Variants in RHBDD1 observed in about 807,000 individuals in gnomAD.
The protein encoded by RHBDD1 is rhomboid-related protein 4.
RHBDD1 carries 38 observed loss-of-function variants against 36.3 expected under a neutral mutation model. The observed-to-expected ratio is 1.05, with a 90% CI of 0.81 to 1.37. The LOEUF is 1.37. Ranked by LOEUF, RHBDD1 falls within the 40% of genes most tolerant of loss-of-function variation. The probability of loss-of-function intolerance (pLI) is 0.00; values close to 1 mark genes in which losing one functional copy is unlikely to be tolerated. For missense variants in RHBDD1, 393 were observed against 377.6 expected, an observed-to-expected ratio of 1.04 and a Z score of -0.34; for synonymous variants, 151 against 136.5, an observed-to-expected ratio of 1.11 and a Z score of -0.74.
chr2:226,938,910 A>C (rs942546731), intron 8 of RHBDD1, among the ~76,000 whole-genome samples: 4 of 152,202 alleles, frequency 2.6e-5, no homozygotes, highest in African/African-American at 9.7e-5. Context: ...ATCCAGCAGC[A>C]CATCAAAAAG....
At chr2:226,910,368 C>G (rs966767697) in intron 7 of RHBDD1, among the ~76,000 whole-genome samples, 1 of 152,142 alleles carries the variant, frequency 6.6e-6, no homozygotes, top group African/African-American at 2.4e-5. Context: ...TCTTCAAAGG[C>G]AGAGCTACTT....
chr2:226,956,138 C>T (rs1047115139), intron 8 of RHBDD1, among the ~76,000 whole-genome samples: 1 of 152,076 alleles, frequency 6.6e-6, no homozygotes, highest in African/African-American at 2.4e-5. Context: ...ATCAAAGTAC[C>T]ATTGAACCTC....
upstream of RHBDD1, among the ~76,000 whole-genome samples, chr2:226,833,680 C>T (rs1940798709): frequency 6.6e-6 from 1 of 152,144 alleles, no homozygotes; most frequent in Non-Finnish European, 1.5e-5. Context: ...ATTTAGAAAT[C>T]ATTGTTTTAT....
chr2:226,819,576 G>C, the RHBDD1 span, among the ~76,000 whole-genome samples: 1,814 of 152,258 alleles, frequency 0.012, 16 homozygotes, highest in Non-Finnish European at 0.02. Flanking sequence ...AGGCTATGCA[G>C]GGGGTGTATG....
intron 3 of RHBDD1, among the ~76,000 whole-genome samples, chr2:226,856,240 A>G (rs1189988394): frequency 1.3e-5 from 2 of 152,228 alleles, no homozygotes; most frequent in Non-Finnish European, 2.9e-5. Context: ...TATGTTTTGC[A>G]TATAGCAAAG....
chr2:226,976,022 G>C (rs1954505390), intron 8 of RHBDD1, among the ~76,000 whole-genome samples: 1 of 151,930 alleles, frequency 6.6e-6, no homozygotes, highest in East Asian at 1.9e-4. Flanking sequence ...TAGCATAGCA[G>C]GGCCTGTCTG....
At chr2:226,809,668 T>A in the RHBDD1 span, among the ~76,000 whole-genome samples, 1 of 152,142 alleles carries the variant, frequency 6.6e-6, no homozygotes, top group Non-Finnish European at 1.5e-5. Flanking sequence ...ATAGGAAAAA[T>A]TGCCAAGATA....
chr2:226,909,719 A>G lies in RHBDD1; in HGVS notation c.712+841A>G, dbSNP rs540753427. Among the ~76,000 whole-genome samples, 9 of 152,238 alleles carry G rather than the reference A, an allele frequency of 5.9e-5. No individual in the cohort carries two copies. The East Asian group carries it at 7.7e-4, about 13-fold the overall frequency. On this transcript the variant is annotated intron_variant, in intron 7 of 8. Coordinates refer to ENST00000392062, the MANE Select transcript of RHBDD1 (RefSeq NM_001167608.3). Reference sequence around the variant, plus strand: ...GGATACAAGAAGTCAGCAGTCTGCAACCTGGAAGAGGGTCGTCACCAGAAC... The same window carrying G: ...GGATACAAGAAGTCAGCAGTCTGCAGCCTGGAAGAGGGTCGTCACCAGAAC...
At chr2:226,899,155 C>T (rs1947373484) in intron 5 of RHBDD1, among the ~76,000 whole-genome samples, 1 of 152,186 alleles carries the variant, frequency 6.6e-6, no homozygotes, top group Admixed American at 6.5e-5. Flanking sequence ...TTTGCATAAC[C>T]ACTTAACTCA....
At chr2:226,838,037 A>T (rs1442965712) in intron 1 of RHBDD1, 36 bp from the exon 2 acceptor site, 1 of 152,278 alleles carries the variant, frequency 6.6e-6, no homozygotes, top group East Asian at 1.9e-4. Context: ...TGTGTTTTTT[A>T]GATGCAGTAT....
At chr2:226,882,214 G>T (rs1422717797) in intron 5 of RHBDD1, among the ~76,000 whole-genome samples, 2 of 152,056 alleles carry the variant, frequency 1.3e-5, no homozygotes, top group Non-Finnish European at 1.5e-5. Flanking sequence ...TGGATCACCT[G>T]AGGTCAGGAG....
chr2:226,987,726 A>G (rs1014950513), intron 8 of RHBDD1, among the ~76,000 whole-genome samples: 1 of 152,196 alleles, frequency 6.6e-6, no homozygotes, highest in Non-Finnish European at 1.5e-5. Flanking sequence ...ATGAACCCAC[A>G]TCTGGTTGAA....
chr2:226,887,842 T>C (rs1423521801), intron 5 of RHBDD1, among the ~76,000 whole-genome samples: 1 of 152,258 alleles, frequency 6.6e-6, no homozygotes, highest in South Asian at 2.1e-4. Flanking sequence ...GAATACTATC[T>C]GATCCATCTT....
chr2:226,843,170 G>T lies in RHBDD1; in HGVS notation c.-91+3543G>T, dbSNP rs144084693. On this transcript the variant is annotated intron_variant, in intron 3 of 8. Coordinates refer to ENST00000392062, the MANE Select transcript of RHBDD1 (RefSeq NM_001167608.3). Reference sequence around the variant, plus strand: ...TGCTTATCAGCTTAAGAAGCTTTTGGGCTGACACAATGGGGTTTTCTAGAT... The same window carrying T: ...TGCTTATCAGCTTAAGAAGCTTTTGTGCTGACACAATGGGGTTTTCTAGAT... Among the ~76,000 whole-genome samples the T allele has an allele frequency of 1.0e-2, 1,518 of 152,176 alleles. 19 individuals carry two copies. The highest frequency in any genetic ancestry group is 0.043 in the South Asian group (207 of 4,820).
chr2:226,995,547 C>T lies in RHBDD1; in HGVS notation c.*25C>T. On this transcript the variant is annotated 3_prime_UTR_variant, in exon 9 of 9. Coordinates refer to ENST00000392062, the MANE Select transcript of RHBDD1 (RefSeq NM_001167608.3). Reference sequence around the variant, plus strand: ...AGGTGGCATCTTGGGAAGACATGGCCTATTCGTGTAATTATTGCCCATTTG... The same window carrying T: ...AGGTGGCATCTTGGGAAGACATGGCTTATTCGTGTAATTATTGCCCATTTG... The T allele has an allele frequency of 6.7e-7, 1 of 1,490,736 alleles. No individual in the cohort carries two copies. The highest frequency in any genetic ancestry group is 9.3e-7 in the Non-Finnish European group (1 of 1,073,746). The allele number at this position is 1,490,736 out of a possible 1,614,324, so 92.3% of individuals were successfully genotyped here. A position where few individuals can be genotyped will look rare whatever the true frequency, so the allele number is the denominator to read the frequency against.
intron 8 of RHBDD1, among the ~76,000 whole-genome samples, chr2:226,991,442 A>C (rs1314221365): frequency 6.6e-6 from 1 of 152,192 alleles, no homozygotes; most frequent in Non-Finnish European, 1.5e-5. Context: ...AGCCTCCCAA[A>C]GTGCTGGGAT....
chr2:226,989,505 G>C (rs957407793), intron 8 of RHBDD1, among the ~76,000 whole-genome samples: 6 of 152,200 alleles, frequency 3.9e-5, no homozygotes, highest in South Asian at 4.1e-4. Flanking sequence ...TTGTGAAAAT[G>C]AATCAAGTTA....
chr2:226,905,319 G>A (rs931154753), intron 5 of RHBDD1, among the ~76,000 whole-genome samples: 3 of 152,190 alleles, frequency 2.0e-5, no homozygotes, highest in African/African-American at 7.2e-5. Flanking sequence ...TAAGGTAGGA[G>A]CCTCAGCTCT....
At chr2:226,874,010 A>G (rs991062945) in intron 5 of RHBDD1, among the ~76,000 whole-genome samples, 2 of 152,154 alleles carry the variant, frequency 1.3e-5, no homozygotes, top group Admixed American at 6.5e-5. Context: ...GTCGTCCTAC[A>G]TGGTGGCAGG....
Sources: allele counts gnomAD v4.1 joint callset (sites outside exome capture counted in the v4.1 genomes callset), GRCh38; gene constraint gnomAD v4.1.1; transcripts MANE v1.5; gene names NCBI Gene and HGNC (gene_info 2026-07-23, HGNC 2026-07-21).